The following EEFSEC variants were observed in gnomAD, a reference collection of about 807,000 sequenced individuals.
EEFSEC encodes eukaryotic elongation factor, selenocysteine-tRNA specific.
In EEFSEC, 43 loss-of-function variants were observed where a neutral mutation model predicts 42.1. The observed-to-expected ratio is 1.02, with a 90% CI of 0.80 to 1.32. The LOEUF (loss-of-function observed/expected upper bound fraction) is 1.32, where lower values mean the gene tolerates loss of function less well. Among genes scored for constraint, EEFSEC ranks in the 40% most tolerant of loss-of-function variants. The pLI, the probability that EEFSEC is intolerant of heterozygous loss-of-function variation, is 0.00. For synonymous variants in EEFSEC, 354 were observed against 339.1 expected, an observed-to-expected ratio of 1.04 and a Z score of -0.48; for missense variants, 745 against 803.6, an observed-to-expected ratio of 0.93 and a Z score of 0.88.
chr3:128,415,321 T>A, the EEFSEC span, among the ~76,000 whole-genome samples: 14 of 152,056 alleles, frequency 9.2e-5, no homozygotes, highest in East Asian at 3.9e-4. Flanking sequence ...AGGTGGGCAT[T>A]GCTTGAGATG....
At chr3:128,386,910 T>G (rs2067846194) in intron 6 of EEFSEC, among the ~76,000 whole-genome samples, 2 of 152,122 alleles carry the variant, frequency 1.3e-5, no homozygotes, top group African/African-American at 2.4e-5. Context: ...CCTCCAACAC[T>G]GGGGGTCACA....
At chr3:128,210,722 C>G (rs976893100) in intron 1 of EEFSEC, among the ~76,000 whole-genome samples, 1 of 152,204 alleles carries the variant, frequency 6.6e-6, no homozygotes, top group African/African-American at 2.4e-5. Flanking sequence ...TGAAAGAAGC[C>G]TTGATTCACA....
At chr3:128,239,523 C>A (rs899099658) in intron 1 of EEFSEC, among the ~76,000 whole-genome samples, 1 of 152,126 alleles carries the variant, frequency 6.6e-6, no homozygotes, top group Non-Finnish European at 1.5e-5. Context: ...AGATGCTTAC[C>A]CTCTGCCCCC....
intron 1 of EEFSEC, among the ~76,000 whole-genome samples, chr3:128,218,318 C>T (rs534781216): frequency 2.0e-4 from 31 of 152,294 alleles, no homozygotes; most frequent in African/African-American, 6.7e-4. Context: ...AACAGGACAC[C>T]GTACTTTCAG....
At chr3:128,391,615 G>A (rs939478538) in intron 6 of EEFSEC, among the ~76,000 whole-genome samples, 2 of 152,200 alleles carry the variant, frequency 1.3e-5, no homozygotes, top group African/African-American at 2.4e-5. Flanking sequence ...GACCCTCACC[G>A]ATGGGCTCTT....
chr3:128,226,290 C>T (rs1051729459), intron 1 of EEFSEC, among the ~76,000 whole-genome samples: 32 of 152,312 alleles, frequency 2.1e-4, no homozygotes, highest in African/African-American at 7.2e-4. Flanking sequence ...TAAATTGTGT[C>T]CCTCACAAGG....
At chr3:128,337,191 T>C (rs1370336416) in intron 4 of EEFSEC, 1 of 152,234 alleles carries the variant, frequency 6.6e-6, no homozygotes, top group Non-Finnish European at 1.5e-5. Context: ...GACCACCCCG[T>C]GTGGCAATGC....
intron 4 of EEFSEC, among the ~76,000 whole-genome samples, chr3:128,332,513 G>T (rs535789174): frequency 6.6e-6 from 1 of 152,164 alleles, no homozygotes; most frequent in Non-Finnish European, 1.5e-5. Context: ...GTGCAATGGC[G>T]CAATATCGGG....
chr3:128,189,581 C>G (rs1270260981), intron 1 of EEFSEC, among the ~76,000 whole-genome samples: 6 of 144,500 alleles, frequency 4.2e-5, no homozygotes, highest in African/African-American at 1.6e-4. Context: ...TTTTTCCGAG[C>G]CAGGGTCTGG....
At chr3:128,324,988 G>A (rs1003196461) in intron 4 of EEFSEC, among the ~76,000 whole-genome samples, 4 of 152,304 alleles carry the variant, frequency 2.6e-5, no homozygotes, top group African/African-American at 7.2e-5. Context: ...CTATTTCATG[G>A]TTAGAAAGAA....
intron 4 of EEFSEC, among the ~76,000 whole-genome samples, chr3:128,328,166 G>A (rs11710627): frequency 6.6e-6 from 1 of 152,124 alleles, no homozygotes; most frequent in South Asian, 2.1e-4. Flanking sequence ...CTTGCCCACA[G>A]CTCAGAGCTG....
intron 1 of EEFSEC, among the ~76,000 whole-genome samples, chr3:128,212,463 C>T (rs1348830943): frequency 6.6e-6 from 1 of 152,218 alleles, no homozygotes; most frequent in Non-Finnish European, 1.5e-5. Flanking sequence ...TCTTGTTGGA[C>T]TCAGAGCCCT....
intron 1 of EEFSEC, among the ~76,000 whole-genome samples, chr3:128,204,458 GT>G (rs1409000224): frequency 1.3e-5 from 2 of 152,090 alleles, no homozygotes; most frequent in Non-Finnish European, 2.9e-5. Context: ...TTCCTTGCTT[GT>G]TTTAGCTTGC....
intron 4 of EEFSEC, among the ~76,000 whole-genome samples, chr3:128,336,496 T>G (rs1278148161): frequency 6.6e-6 from 1 of 152,202 alleles, no homozygotes; most frequent in Non-Finnish European, 1.5e-5. Flanking sequence ...CAATGGTGGC[T>G]GGCCCATGTC....
chr3:128,259,856 T>C (rs767257158), intron 2 of EEFSEC, among the ~76,000 whole-genome samples: 59 of 152,154 alleles, frequency 3.9e-4, no homozygotes, highest in Non-Finnish European at 5.3e-4. Flanking sequence ...TCTTTTTATG[T>C]CACAACAGAA....
At chr3:128,257,940 G>A (rs1418723939) in intron 2 of EEFSEC, among the ~76,000 whole-genome samples, 1 of 152,184 alleles carries the variant, frequency 6.6e-6, no homozygotes, top group Non-Finnish European at 1.5e-5. Context: ...CCAGTGGTGG[G>A]AGGGCTTCTA....
chr3:128,231,963 A>C (rs1308197687), intron 1 of EEFSEC, among the ~76,000 whole-genome samples: 1 of 152,180 alleles, frequency 6.6e-6, no homozygotes, highest in African/African-American at 2.4e-5. Flanking sequence ...AAGTGTGCTT[A>C]GGGTTTTCTT....
intron 6 of EEFSEC, among the ~76,000 whole-genome samples, chr3:128,378,266 C>T (rs139147173): frequency 2.0e-4 from 31 of 152,314 alleles, no homozygotes; most frequent in Middle Eastern, 3.4e-3. Context: ...TGCTGAGTCA[C>T]GAACCCAGAG....
chr3:128,239,095 A>G (rs2066043218), intron 1 of EEFSEC, among the ~76,000 whole-genome samples: 1 of 152,230 alleles, frequency 6.6e-6, no homozygotes, highest in African/African-American at 2.4e-5. Flanking sequence ...AGTTCAAACA[A>G]AAAGGATGTC....
Sources: allele counts gnomAD v4.1 joint callset (sites outside exome capture counted in the v4.1 genomes callset), GRCh38; gene constraint gnomAD v4.1.1; transcripts MANE v1.5; gene names NCBI Gene and HGNC (gene_info 2026-07-23, HGNC 2026-07-21).